CTSC: variants seen among roughly 807,000 people sequenced by gnomAD.
CTSC encodes dipeptidyl peptidase 1.
In CTSC, 37 loss-of-function variants were observed where a neutral mutation model predicts 40.9. The ratio of observed to expected loss-of-function variants is 0.91; its 90% CI spans 0.70 to 1.19. The LOEUF is 1.19. Among genes scored for constraint, CTSC ranks in the 50% most tolerant of loss-of-function variants. The pLI, the probability that CTSC is intolerant of heterozygous loss-of-function variation, is 0.00. For synonymous variants in CTSC, 232 were observed against 207.4 expected, an observed-to-expected ratio of 1.12 and a Z score of -1.02; for missense variants, 594 against 567.3, an observed-to-expected ratio of 1.05 and a Z score of -0.48.
intron 3 of CTSC, 64 bp downstream of exon 3, chr11:88,312,324 T>C (rs1306339671): frequency 6.6e-7 from 1 of 1,513,950 alleles, no homozygotes; most frequent in East Asian, 2.3e-5. Context: ...TCCAAAAATG[T>C]ACACACATAT....
At chr11:88,330,624 A>G (rs1938325562) in intron 2 of CTSC, among the ~76,000 whole-genome samples, 1 of 152,134 alleles carries the variant, frequency 6.6e-6, no homozygotes, top group African/African-American at 2.4e-5. Flanking sequence ...CTGGGATTAC[A>G]GGTATGAGTC....
chr11:88,303,531 A>C (rs1937603566), intron 4 of CTSC, among the ~76,000 whole-genome samples: 1 of 152,228 alleles, frequency 6.6e-6, no homozygotes, highest in African/African-American at 2.4e-5. Context: ...CAAATGAAAC[A>C]GATGAAGAAA....
At chr11:88,320,508 C>A (rs1303094023) in intron 2 of CTSC, among the ~76,000 whole-genome samples, 1 of 152,234 alleles carries the variant, frequency 6.6e-6, no homozygotes, top group African/African-American at 2.4e-5. Flanking sequence ...CATTTCAAAG[C>A]TTCGGTCCTC....
chr11:88,296,904 A>T (rs1226741241), intron 5 of CTSC: 2 of 156,542 alleles, frequency 1.3e-5, no homozygotes, highest in South Asian at 1.9e-4. Flanking sequence ...TCCCCCTAAA[A>T]ATCTCAGATT....
chr11:88,313,409 T>C (rs959631038), intron 2 of CTSC, among the ~76,000 whole-genome samples: 4 of 152,212 alleles, frequency 2.6e-5, no homozygotes, highest in African/African-American at 9.6e-5. Context: ...TAGCATATTC[T>C]GATCATGAGG....
chr11:88,328,313 C>T (rs1938248853), intron 2 of CTSC: 3 of 750,242 alleles, frequency 4.0e-6, no homozygotes, highest in African/African-American at 1.7e-5. Flanking sequence ...TACTTTTCCT[C>T]CACTGAAATA....
chr11:88,318,024 T>C (rs531525105), intron 2 of CTSC, among the ~76,000 whole-genome samples: 427 of 152,334 alleles, frequency 2.8e-3, no homozygotes, highest in Non-Finnish European at 4.6e-3. Context: ...TACCTAGTCA[T>C]AGGGAAATTT....
intron 2 of CTSC, chr11:88,325,037 C>T (rs2134807067): frequency 6.1e-6 from 6 of 985,212 alleles, no homozygotes; most frequent in Non-Finnish European, 7.2e-6. Context: ...AAAGTCCACC[C>T]AGACAATATG....
chr11:88,323,940 A>C (rs1938104980), intron 2 of CTSC: 1 of 152,114 alleles, frequency 6.6e-6, no homozygotes, highest in African/African-American at 2.4e-5. Context: ...AACCAAAAAA[A>C]AGCTCGTATA....
intron 2 of CTSC, among the ~76,000 whole-genome samples, chr11:88,314,323 T>C (rs540555741): frequency 1.3e-5 from 2 of 152,178 alleles, no homozygotes; most frequent in Non-Finnish European, 2.9e-5. Context: ...TGGGCTAAAC[T>C]ACACTTAAAG....
rs1224469453 is a variant in CTSC, at chr11:88,294,156, A to C, written c.1242T>G (p.Thr414=). 9.3e-6 allele frequency: 15 copies of C among 1,613,878 alleles called. No homozygotes were observed. The highest frequency in any genetic ancestry group is 1.2e-5 in the Non-Finnish European group (14 of 1,180,026). ...NHAVLLVGYG[T]DSASGMDYWI... ...AGTAATCCATCCCAGAGGCTGAGTC[A>C]GTGCCATAGCCCACAAGCAGAACAG... The change falls in exon 7 of 7, where the codon ACT becomes ACG. Residue 414 remains threonine (T), a synonymous_variant. Coordinates refer to ENST00000227266, the MANE Select transcript of CTSC (RefSeq NM_001814.6).
At position 88,332,055 on chromosome 11, in the gene CTSC, G is replaced by C. The variant is rs183330011; in HGVS notation, c.318+2882C>G. On this transcript the variant is annotated intron_variant, in intron 2 of 6. Transcript: ENST00000227266. ...CAAGCATATCTGAAGCATATATAAA[G>C]AGGATAAAAGGAAGCAAGTTGTAGG... 2.6e-5 allele frequency among the ~76,000 whole-genome samples: 4 copies of C among 152,294 alleles called. No individual in the cohort carries two copies. The East Asian group carries it at 7.7e-4, about 29-fold the overall frequency.
intron 3 of CTSC, 27 bp from the exon 4 acceptor site, chr11:88,309,345 GA>G: frequency 6.3e-7 from 1 of 1,584,208 alleles, no homozygotes; most frequent in Non-Finnish European, 8.7e-7. Context: ...GATAATTTCA[GA>G]TATAGTCTTT....
chr11:88,329,257 G>A (rs1419774240), intron 2 of CTSC, among the ~76,000 whole-genome samples: 9 of 151,968 alleles, frequency 5.9e-5, no homozygotes, highest in East Asian at 5.8e-4. Flanking sequence ...CCAGGCGGGC[G>A]GATCACTTGG....
chr11:88,293,973 T>C lies in CTSC; in HGVS notation c.*33A>G. 6.2e-7 allele frequency: 1 copy of C among 1,611,488 alleles called. No individual in the cohort carries two copies. Among genetic ancestry groups the C allele is most frequent in the Non-Finnish European group, 8.5e-7 (1 of 1,178,942 alleles). Reference sequence around the variant, plus strand: ...TATACCAATTCCCCTTTACAACTGATGCAGATCATTATGAAATACTGGAAG... The same window carrying C: ...TATACCAATTCCCCTTTACAACTGACGCAGATCATTATGAAATACTGGAAG... On this transcript the variant is annotated 3_prime_UTR_variant, in exon 7 of 7. Coordinates refer to ENST00000227266, the MANE Select transcript of CTSC (RefSeq NM_001814.6).
intron 2 of CTSC, chr11:88,322,261 T>A (rs1366872442): frequency 6.6e-6 from 1 of 152,234 alleles, no homozygotes; most frequent in African/African-American, 2.4e-5. Context: ...TAGATCTCAT[T>A]TGCCAATTTT....
At chr11:88,315,623 C>A (rs1176457992) in intron 2 of CTSC, among the ~76,000 whole-genome samples, 4 of 152,118 alleles carry the variant, frequency 2.6e-5, no homozygotes, top group African/African-American at 9.7e-5. Context: ...GTACAGATTA[C>A]TCATAAATCT....
rs142211090 is a variant in CTSC at position 88,337,066 on chromosome 11, C to G, written c.172+435G>C. ...AGAAAGTCCCTTTCCCACCATCTAACAAAAAGAGAAAACTTCATGCTATAT... is the reference window on the plus strand; with the variant it reads ...AGAAAGTCCCTTTCCCACCATCTAAGAAAAAGAGAAAACTTCATGCTATAT... On this transcript the variant is annotated intron_variant, in intron 1 of 6. Coordinates refer to ENST00000227266, the MANE Select transcript of CTSC (RefSeq NM_001814.6). Among the ~76,000 whole-genome samples the G allele has an allele frequency of 6.5e-3, 994 of 152,194 alleles. 9 individuals are homozygous for G. The highest frequency in any genetic ancestry group is 0.023 in the African/African-American group (945 of 41,536).
chr11:88,337,584 C>T lies in CTSC; in HGVS notation c.89G>A (p.Cys30Tyr), dbSNP rs1171641660. The stretch of plus-strand genomic sequence containing the variant: ...GGTGCCCAGCAGGTCAAGATAGGTG[C>T]AGTTGGCAGGTGTGTCGCAGCGCAC... Reference protein sequence around the residue: ...GAVRCDTPANCTYLDLLGTWV... With the variant: ...GAVRCDTPANYTYLDLLGTWV... Residue 30 changes from cysteine (C) to tyrosine (Y), a missense_variant, in exon 1 of 7, where the codon TGC (cysteine) becomes TAC (tyrosine). Transcript: ENST00000227266. 2.5e-6 allele frequency: 4 copies of T among 1,577,974 alleles called. No homozygotes were observed. Among genetic ancestry groups the T allele is most frequent in the Non-Finnish European group, 3.4e-6 (4 of 1,161,190 alleles).
Sources: gnomAD v4.1 joint callset for allele counts (sites outside exome capture counted in the v4.1 genomes callset) on GRCh38, gnomAD v4.1.1 for gene constraint, MANE v1.5 for transcripts, NCBI Gene and HGNC (gene_info 2026-07-23, HGNC 2026-07-21) for gene names.